The following TSEN15 variants were observed in gnomAD, a reference collection of about 807,000 sequenced individuals.
TSEN15 encodes tRNA-splicing endonuclease subunit Sen15.
A neutral mutation model predicts 20.5 loss-of-function variants in TSEN15; 10 were observed. That is an observed-to-expected ratio of 0.49 (90% CI 0.30 to 0.83). TSEN15 has a LOEUF of 0.83. TSEN15 is among the 40% of genes least tolerant of loss of function. TSEN15 has a pLI of 0.06. For synonymous variants in TSEN15, 72 were observed against 80.1 expected, an observed-to-expected ratio of 0.90 and a Z score of 0.54; for missense variants, 180 against 218.6, an observed-to-expected ratio of 0.82 and a Z score of 1.11.
chr1:184,069,261 A>G (rs1650797955), intron 3 of TSEN15, among the ~76,000 whole-genome samples: 1 of 152,100 alleles, frequency 6.6e-6, no homozygotes, highest in Admixed American at 6.5e-5. Flanking sequence ...ATTATTATTG[A>G]TACATATTTT....
intron 3 of TSEN15, chr1:184,095,126 A>G (rs903841092): frequency 6.0e-5 from 24 of 398,164 alleles, no homozygotes; most frequent in Non-Finnish European, 9.7e-5. Context: ...TCTCCCCAGA[A>G]CTCAGCAGAG....
At chr1:184,062,819 A>G (rs527890423) in intron 3 of TSEN15, among the ~76,000 whole-genome samples, 112 of 152,078 alleles carry the variant, frequency 7.4e-4, no homozygotes, top group Middle Eastern at 6.8e-3. Context: ...TTTCTTCAGT[A>G]AGATACAAGA....
intron 3 of TSEN15, among the ~76,000 whole-genome samples, chr1:184,068,995 A>G (rs1650789470): frequency 6.6e-6 from 1 of 152,158 alleles, no homozygotes; most frequent in African/African-American, 2.4e-5. Flanking sequence ...GTAAATCTCC[A>G]GAGATTACTT....
At chr1:184,060,765 A>G (rs1211379209) in intron 3 of TSEN15, among the ~76,000 whole-genome samples, 4 of 142,062 alleles carry the variant, frequency 2.8e-5, no homozygotes, top group Admixed American at 1.4e-4. Context: ...AGATTAAGTG[A>G]GCTGTACCAC....
chr1:184,091,052 G>T (rs929546486), intron 3 of TSEN15, among the ~76,000 whole-genome samples: 10 of 152,078 alleles, frequency 6.6e-5, no homozygotes, highest in East Asian at 3.9e-4. Flanking sequence ...TTTACCAAAG[G>T]CCTCATCACC....
At chr1:184,055,014 G>C in intron 3 of TSEN15, 151 bp downstream of exon 3, 1 of 823,340 alleles carries the variant, frequency 1.2e-6, no homozygotes, top group Non-Finnish European at 1.8e-6. Flanking sequence ...TATGAGTGTT[G>C]TATTCGGCCA....
chr1:184,051,814 G>C lies in TSEN15; in HGVS notation c.59G>C (p.Gly20Ala), dbSNP rs767889145. The change falls in exon 1 of 5, where the codon GGT becomes GCT. Residue 20 changes from glycine (G) to alanine (A), a missense_variant. By Grantham distance (60) the Gly-to-Ala change is moderately conservative. Transcript: ENST00000645668. The stretch of plus-strand genomic sequence containing the variant: ...GGCTGCAGCGGCCTGGGTCCGGGCG[G>C]TGTTCGCGGCTTTGGCGACGGCGGT... ...TPGCSGLGPG[G>A]VRGFGDGGGA... 5.2e-6 allele frequency: 8 copies of C among 1,543,182 alleles called. No individual in the cohort carries two copies. Among genetic ancestry groups the C allele is most frequent in the Middle Eastern group, 1.7e-4 (1 of 5,944 alleles).
intron 3 of TSEN15, among the ~76,000 whole-genome samples, chr1:184,071,547 CAA>C (rs1200107501): frequency 4.0e-5 from 6 of 151,658 alleles, no homozygotes; most frequent in African/African-American, 1.5e-4. Context: ...TTTTTAGAAT[CAA>C]GTTAGTATTA....
chr1:184,081,490 T>C (rs1651166660), intron 3 of TSEN15, among the ~76,000 whole-genome samples: 1 of 152,150 alleles, frequency 6.6e-6, no homozygotes, highest in South Asian at 2.1e-4. Context: ...GCCACGTGCC[T>C]GGCCATGATC....
intron 3 of TSEN15, among the ~76,000 whole-genome samples, chr1:184,092,345 GC>G (rs1462808038): frequency 6.6e-6 from 1 of 152,342 alleles, no homozygotes; most frequent in East Asian, 1.9e-4. Context: ...TAGATACCAT[GC>G]TAGCATCTAC....
intron 3 of TSEN15, among the ~76,000 whole-genome samples, chr1:184,083,435 C>G (rs1651206213): frequency 6.6e-6 from 1 of 152,224 alleles, no homozygotes; most frequent in African/African-American, 2.4e-5. Context: ...ATTACACATC[C>G]TTTCCTATGC....
chr1:184,085,571 G>T (rs1651248331), intron 3 of TSEN15, among the ~76,000 whole-genome samples: 1 of 152,216 alleles, frequency 6.6e-6, no homozygotes, highest in Non-Finnish European at 1.5e-5. Flanking sequence ...GGGTGACCAA[G>T]AATGGCTTTT....
intron 3 of TSEN15, among the ~76,000 whole-genome samples, chr1:184,081,198 C>T (rs937576414): frequency 6.6e-6 from 1 of 152,134 alleles, no homozygotes; most frequent in Non-Finnish European, 1.5e-5. Context: ...AGCCTGAACC[C>T]CAATAATAGC....
chr1:184,092,371 G>C (rs566613713), intron 3 of TSEN15, among the ~76,000 whole-genome samples: 1 of 152,358 alleles, frequency 6.6e-6, no homozygotes, highest in East Asian at 1.9e-4. Context: ...TAGGAAATAA[G>C]TAGGGACTGT....
chr1:184,055,925 C>G (rs1650235432), intron 3 of TSEN15, among the ~76,000 whole-genome samples: 1 of 151,964 alleles, frequency 6.6e-6, no homozygotes, highest in African/African-American at 2.4e-5. Flanking sequence ...GTAACTCATT[C>G]TGAATTCCAT....
Position 184,051,820 on chromosome 1 carries a change from G to A in TSEN15, c.65G>A (p.Arg22His). 1 of 1,544,308 alleles carries A rather than the reference G, an allele frequency of 6.5e-7. No homozygotes were observed. Among genetic ancestry groups the A allele is most frequent in the Non-Finnish European group, 8.7e-7 (1 of 1,145,068 alleles). ...GCSGLGPGGV[R>H]GFGDGGGAPS... ...AGCGGCCTGGGTCCGGGCGGTGTTCGCGGCTTTGGCGACGGCGGTGGAGCT... is the reference window on the plus strand; with the variant it reads ...AGCGGCCTGGGTCCGGGCGGTGTTCACGGCTTTGGCGACGGCGGTGGAGCT... Residue 22 changes from arginine (R) to histidine (H), a missense_variant, in exon 1 of 5, where the codon CGC (arginine) becomes CAC (histidine). By Grantham distance (29) the Arg-to-His change is conservative. Around this residue, in one of 3 missense-constraint regions of TSEN15, gnomAD observed 76 missense variants for 66.5 expected, o/e 1.14. Coordinates refer to ENST00000645668, the MANE Select transcript of TSEN15 (RefSeq NM_052965.4).
Position 184,051,828 on chromosome 1 carries a change from G to A in TSEN15, c.73G>A (p.Gly25Ser). ...GLGPGGVRGFGDGGGAPSWAP... is the reference protein window; with the variant it reads ...GLGPGGVRGFSDGGGAPSWAP... ...GGGTCCGGGCGGTGTTCGCGGCTTT[G>A]GCGACGGCGGTGGAGCTCCTTCGTG... The change falls in exon 1 of 5, where the codon GGC becomes AGC. Residue 25 changes from glycine to serine, a missense_variant. Gly to Ser is a moderately conservative substitution (Grantham distance 56). This residue lies in a region of TSEN15 where 76 missense variants were observed against 66.5 expected (regional missense o/e 1.14). Transcript: ENST00000645668. The A allele has an allele frequency of 6.5e-7, 1 of 1,546,926 alleles. No individual in the cohort carries two copies. The highest frequency in any genetic ancestry group is 8.7e-7 in the Non-Finnish European group (1 of 1,146,234).
chr1:184,091,130 C>A (rs2102905055), intron 3 of TSEN15, among the ~76,000 whole-genome samples: 1 of 152,226 alleles, frequency 6.6e-6, no homozygotes, highest in South Asian at 2.1e-4. Flanking sequence ...TTTCAAAATA[C>A]AGCTTGAGTC....
intron 3 of TSEN15, among the ~76,000 whole-genome samples, chr1:184,086,886 A>T (rs1651270854): frequency 6.6e-6 from 1 of 152,196 alleles, no homozygotes; most frequent in African/African-American, 2.4e-5. Flanking sequence ...AGTCCATACT[A>T]GGGGGAGGTG....
Sources: gnomAD v4.1 joint callset for allele counts (sites outside exome capture counted in the v4.1 genomes callset) on GRCh38, gnomAD v4.1.1 for gene constraint, gnomAD v4.1.1 regional missense constraint, MANE v1.5 for transcripts, NCBI Gene and HGNC (gene_info 2026-07-23, HGNC 2026-07-21) for gene names.